Variants in SULF1 observed in about 807,000 individuals in gnomAD.
SULF1 encodes extracellular sulfatase Sulf-1.
A neutral mutation model predicts 110.5 loss-of-function variants in SULF1; 46 were observed. The observed-to-expected ratio is 0.42, with a 90% CI of 0.33 to 0.53. The LOEUF is 0.53. Among genes scored for constraint, SULF1 ranks in the 20% least tolerant of loss-of-function variants. The pLI, the probability that SULF1 is intolerant of heterozygous loss-of-function variation, is 0.12. For missense variants in SULF1, 941 were observed against 1,094.2 expected, an observed-to-expected ratio of 0.86 and a Z score of 1.98; for synonymous variants, 371 against 387.1, an observed-to-expected ratio of 0.96 and a Z score of 0.49.
At chr8:69,637,721 A>T (rs1362469348) in intron 19 of SULF1, 2 of 152,620 alleles carry the variant, frequency 1.3e-5, no homozygotes, top group Non-Finnish European at 2.9e-5. Flanking sequence ...GAAGCTGAGG[A>T]TCACTTGAGC....
chr8:69,541,832 TC>T (rs902747053), intron 3 of SULF1, among the ~76,000 whole-genome samples: 3 of 152,208 alleles, frequency 2.0e-5, no homozygotes, highest in African/African-American at 4.8e-5. Context: ...AAACTTAACT[TC>T]TTAATTAAAA....
intron 22 of SULF1, among the ~76,000 whole-genome samples, 164 bp from the exon 23 acceptor site, chr8:69,658,341 C>G (rs544948949): frequency 1.3e-5 from 2 of 152,298 alleles, no homozygotes; most frequent in East Asian, 3.9e-4. Flanking sequence ...GTTTAATCAC[C>G]TGTAACCTAA....
At chr8:69,511,715 A>G (rs1465350805) in intron 3 of SULF1, among the ~76,000 whole-genome samples, 1 of 152,188 alleles carries the variant, frequency 6.6e-6, no homozygotes, top group East Asian at 1.9e-4. Flanking sequence ...CTGACACATC[A>G]TTGTCACCCA....
intron 3 of SULF1, among the ~76,000 whole-genome samples, chr8:69,562,394 T>G (rs1399618082): frequency 1.3e-5 from 2 of 152,230 alleles, no homozygotes; most frequent in Non-Finnish European, 2.9e-5. Flanking sequence ...TAATTAGTTA[T>G]GCCTACTTAT....
intron 3 of SULF1, among the ~76,000 whole-genome samples, chr8:69,502,254 T>A (rs894385235): frequency 1.3e-5 from 2 of 152,212 alleles, no homozygotes; most frequent in African/African-American, 4.8e-5. Context: ...TGACATATTA[T>A]GAGCTGCTCA....
rs532071504 is a variant in SULF1 at position 69,584,000 on chromosome 8, G to A, written c.413-2357G>A. On this transcript the variant is annotated intron_variant, in intron 6 of 22. Transcript: ENST00000402687. ...GGAAACATTAGCTGGAGAGAGGGAC[G>A]ATTAACAGAGAAATAGGAGATGGGG... is the stretch of plus-strand genomic sequence containing the variant. Among the ~76,000 whole-genome samples the A allele has an allele frequency of 1.8e-3, 274 of 152,256 alleles. 1 individual carries two copies. Among genetic ancestry groups the A allele is most frequent in the African/African-American group, 6.4e-3 (266 of 41,546 alleles).
intron 22 of SULF1, among the ~76,000 whole-genome samples, chr8:69,645,478 C>T (rs1811826372): frequency 6.6e-6 from 1 of 152,210 alleles, no homozygotes; most frequent in African/African-American, 2.4e-5. Flanking sequence ...AAACAACCAC[C>T]TCTGTGCCAA....
intron 3 of SULF1, among the ~76,000 whole-genome samples, chr8:69,531,788 C>T (rs886272713): frequency 6.6e-6 from 1 of 152,118 alleles, no homozygotes; most frequent in African/African-American, 2.4e-5. Flanking sequence ...CTTTGTCTTT[C>T]TCTGGAATTT....
upstream of SULF1, among the ~76,000 whole-genome samples, chr8:69,491,852 G>A (rs970083132): frequency 2.0e-5 from 3 of 152,250 alleles, no homozygotes; most frequent in East Asian, 1.9e-4. Flanking sequence ...CAACGCATGC[G>A]GAATGACAAC....
intron 3 of SULF1, among the ~76,000 whole-genome samples, chr8:69,508,405 A>T (rs1717634682): frequency 6.6e-6 from 1 of 152,220 alleles, no homozygotes; most frequent in African/African-American, 2.4e-5. Context: ...AGGCCCGGCC[A>T]GGTAATTATT....
At chr8:69,502,866 T>G (rs1251708920) in intron 3 of SULF1, among the ~76,000 whole-genome samples, 1 of 151,938 alleles carries the variant, frequency 6.6e-6, no homozygotes, top group Non-Finnish European at 1.5e-5. Context: ...TTTTGTATTT[T>G]AGCAGAGATG....
intron 22 of SULF1, among the ~76,000 whole-genome samples, chr8:69,648,625 A>G (rs1311937510): frequency 6.6e-6 from 1 of 152,226 alleles, no homozygotes; most frequent in East Asian, 1.9e-4. Context: ...CTTTCAGGAC[A>G]TTGCACTTGT....
chr8:69,573,612 A>T (rs7001144), intron 5 of SULF1, among the ~76,000 whole-genome samples: 44,776 of 151,970 alleles, frequency 0.29, 6,663 homozygotes, highest in Middle Eastern at 0.33. Context: ...TTTCCCCAAA[A>T]TCAAGATACT....
intron 3 of SULF1, among the ~76,000 whole-genome samples, chr8:69,515,743 GCAGT>G (rs1192820007): frequency 6.6e-6 from 1 of 152,150 alleles, no homozygotes; most frequent in African/African-American, 2.4e-5. Context: ...GCTTTTAGAA[GCAGT>G]CAGGCCATAT....
intron 6 of SULF1, among the ~76,000 whole-genome samples, chr8:69,581,893 G>A (rs894915571): frequency 8.5e-5 from 13 of 152,278 alleles, no homozygotes; most frequent in Admixed American, 1.3e-4. Context: ...GCCCCCATCA[G>A]CCTTGGAATG....
intron 3 of SULF1, among the ~76,000 whole-genome samples, chr8:69,533,496 A>G (rs1813241974): frequency 2.0e-5 from 3 of 152,190 alleles, no homozygotes; most frequent in South Asian, 2.1e-4. Context: ...AAGTGAGAAC[A>G]TGTGGTATTT....
chr8:69,625,877 T>C (rs1809969867), intron 15 of SULF1: 1 of 152,202 alleles, frequency 6.6e-6, no homozygotes, highest in Non-Finnish European at 1.5e-5. Flanking sequence ...TAGAGCGGAG[T>C]GGCCTGTTTT....
intron 3 of SULF1, among the ~76,000 whole-genome samples, chr8:69,556,916 C>G (rs946736169): frequency 3.3e-5 from 5 of 152,118 alleles, no homozygotes; most frequent in Non-Finnish European, 7.4e-5. Context: ...CTGTCCCTCC[C>G]CCAACCCTAA....
At chr8:69,587,335 G>C (rs1456251312) in intron 7 of SULF1, among the ~76,000 whole-genome samples, 10 of 152,072 alleles carry the variant, frequency 6.6e-5, no homozygotes, top group Admixed American at 2.0e-4. Flanking sequence ...CTCCCAACAG[G>C]CTAGATCACT....
Sources: gnomAD v4.1 joint callset for allele counts (sites outside exome capture counted in the v4.1 genomes callset) on GRCh38, gnomAD v4.1.1 for gene constraint, MANE v1.5 for transcripts, NCBI Gene and HGNC (gene_info 2026-07-23, HGNC 2026-07-21) for gene names.